TRIM14: variants seen among roughly 807,000 people sequenced by gnomAD.
TRIM14 encodes the protein tripartite motif-containing protein 14.
Under a neutral mutation model 44.5 loss-of-function variants are expected in TRIM14, and 28 were observed. That is an observed-to-expected ratio of 0.63 (90% CI 0.47 to 0.86). The LOEUF is 0.86. Ranked by LOEUF, TRIM14 falls within the 40% of genes least tolerant of loss-of-function variation. TRIM14 has a pLI of 0.00. For missense variants in TRIM14, 607 were observed against 611.1 expected, an observed-to-expected ratio of 0.99 and a Z score of 0.07; for synonymous variants, 299 against 269.2, an observed-to-expected ratio of 1.11 and a Z score of -1.08.
chr9:98,105,660 G>A (rs1826584393), intron 2 of TRIM14, among the ~76,000 whole-genome samples: 1 of 152,226 alleles, frequency 6.6e-6, no homozygotes, highest in South Asian at 2.1e-4. Context: ...CACAGTGTGA[G>A]TGACCTGGCA....
At chr9:98,047,472 TA>T in the TRIM14 span, among the ~76,000 whole-genome samples, 1 of 152,092 alleles carries the variant, frequency 6.6e-6, no homozygotes, top group South Asian at 2.1e-4. Context: ...ACTCCTTGGG[TA>T]AAACAGGAGG....
At chr9:98,104,485 G>A (rs147210191) in intron 2 of TRIM14, among the ~76,000 whole-genome samples, 133 of 152,272 alleles carry the variant, frequency 8.7e-4, no homozygotes, top group African/African-American at 3.1e-3. Flanking sequence ...TCTTGTATAA[G>A]CAGATGAGGC....
chr9:98,082,676 G>T (rs943512692), downstream of TRIM14, among the ~76,000 whole-genome samples: 2 of 152,174 alleles, frequency 1.3e-5, no homozygotes, highest in African/African-American at 4.8e-5. Flanking sequence ...ATCTATACTG[G>T]TTGAATTCCT....
chr9:98,039,194 A>G, the TRIM14 span, among the ~76,000 whole-genome samples: 7 of 152,094 alleles, frequency 4.6e-5, no homozygotes, highest in South Asian at 2.1e-4. Flanking sequence ...TCCATTGCCC[A>G]GGCTGGAGTG....
At chr9:98,060,346 G>A in the TRIM14 span, among the ~76,000 whole-genome samples, 2 of 152,088 alleles carry the variant, frequency 1.3e-5, no homozygotes, top group African/African-American at 4.8e-5. Context: ...AGGTCCTTAA[G>A]GTCTCTGTCA....
chr9:98,101,502 T>G (rs1564182611), intron 2 of TRIM14, among the ~76,000 whole-genome samples: 1 of 150,582 alleles, frequency 6.6e-6, no homozygotes, highest in Non-Finnish European at 1.5e-5. Flanking sequence ...CTCGGCTCAC[T>G]GCAACCTCCG....
At chr9:98,044,979 G>C in the TRIM14 span, among the ~76,000 whole-genome samples, 2 of 152,106 alleles carry the variant, frequency 1.3e-5, no homozygotes, top group African/African-American at 4.8e-5. Flanking sequence ...TGGGTATGAC[G>C]GTGCATGCCT....
the TRIM14 span, among the ~76,000 whole-genome samples, chr9:98,049,258 C>T: frequency 2.8e-5 from 4 of 141,878 alleles, no homozygotes; most frequent in Non-Finnish European, 6.0e-5. Flanking sequence ...AGGAGAATCA[C>T]TTGAACCTGG....
intron 5 of TRIM14, among the ~76,000 whole-genome samples, chr9:98,091,441 TCACACA>T (rs893964603): frequency 1.3e-5 from 2 of 150,022 alleles, no homozygotes; most frequent in Non-Finnish European, 3.0e-5. Context: ...CAAGACTCGG[TCACACA>T]CACACACACA....
intron 4 of TRIM14, among the ~76,000 whole-genome samples, chr9:98,093,489 G>A (rs926068556): frequency 1.3e-5 from 2 of 152,132 alleles, no homozygotes; most frequent in African/African-American, 2.4e-5. Context: ...GGGAGGAGCC[G>A]TGTCTAAGAT....
chr9:98,065,396 G>A (rs553443167), downstream of TRIM14, among the ~76,000 whole-genome samples: 19 of 140,828 alleles, frequency 1.3e-4, no homozygotes, highest in Non-Finnish European at 2.7e-4. Flanking sequence ...GGCTCACTGC[G>A]ACTTCCGCCT....
chr9:98,089,777 T>C (rs1825932372), intron 5 of TRIM14, among the ~76,000 whole-genome samples: 1 of 152,194 alleles, frequency 6.6e-6, no homozygotes, highest in Non-Finnish European at 1.5e-5. Context: ...CCCCATCTGC[T>C]TGCTCCTTCC....
chr9:98,081,327 A>G (rs1385005494), downstream of TRIM14: 5 of 545,908 alleles, frequency 9.2e-6, no homozygotes, highest in East Asian at 1.6e-4. Flanking sequence ...CTAGGGTCAC[A>G]TTAGAGTCTT....
chr9:98,076,680 T>G (rs1229775789), intron 6 of TRIM14: 1 of 471,492 alleles, frequency 2.1e-6, no homozygotes, highest in Non-Finnish European at 3.7e-6. Flanking sequence ...TCCAGATTCC[T>G]GTAGCCAGCA....
intron 1 of TRIM14, among the ~76,000 whole-genome samples, chr9:98,117,997 G>A (rs185285144): frequency 4.6e-5 from 7 of 152,272 alleles, no homozygotes; most frequent in Admixed American, 2.6e-4. Context: ...CCACTGGATT[G>A]TCCCCCATGA....
chr9:98,051,373 G>A, the TRIM14 span, among the ~76,000 whole-genome samples: 1 of 152,202 alleles, frequency 6.6e-6, no homozygotes, highest in Non-Finnish European at 1.5e-5. Flanking sequence ...TATAATGCCC[G>A]ACGTGATATA....
At chr9:98,057,922 G>GTTTTTTTTTTTTTTTTTTTTTTT in the TRIM14 span, among the ~76,000 whole-genome samples, 1 of 78,086 alleles carries the variant, frequency 1.3e-5, no homozygotes, top group African/African-American at 5.4e-5. Flanking sequence ...TTTTTTCCTG[G>GTTTTTTTTTTTTTTTTTTTTTTT]TTTTTTTTTT....
At chr9:98,061,005 C>G in the TRIM14 span, 3 of 1,612,316 alleles carry the variant, frequency 1.9e-6, no homozygotes, top group Non-Finnish European at 2.5e-6. Flanking sequence ...GAGGTGAGTC[C>G]TCTGCTGCTC....
chr9:98,055,742 AATTT>A, the TRIM14 span, among the ~76,000 whole-genome samples: 2 of 151,914 alleles, frequency 1.3e-5, no homozygotes, highest in Admixed American at 6.6e-5. Context: ...TTAATTAATT[AATTT>A]ATTTATTTTT....
Sources: allele counts gnomAD v4.1 joint callset (sites outside exome capture counted in the v4.1 genomes callset), GRCh38; gene constraint gnomAD v4.1.1; transcripts MANE v1.5; gene names NCBI Gene and HGNC (gene_info 2026-07-23, HGNC 2026-07-21).